The following DGKB variants were observed in gnomAD, a reference collection of about 807,000 sequenced individuals.
The protein encoded by DGKB is 90 kDa diacylglycerol kinase.
Under a neutral mutation model 114.3 loss-of-function variants are expected in DGKB, and 67 were observed. The observed-to-expected ratio is 0.59, with a 90% CI of 0.48 to 0.72. The LOEUF is 0.72. Among genes scored for constraint, DGKB ranks in the 30% least tolerant of loss-of-function variants. The pLI, the probability that DGKB is intolerant of heterozygous loss-of-function variation, is 0.00. For missense variants in DGKB, 907 were observed against 975.2 expected, an observed-to-expected ratio of 0.93 and a Z score of 0.93; for synonymous variants, 398 against 323.1, an observed-to-expected ratio of 1.23 and a Z score of -2.49.
At chr7:14,262,044 A>G (rs1796855412) in intron 23 of DGKB, among the ~76,000 whole-genome samples, 1 of 152,220 alleles carries the variant, frequency 6.6e-6, no homozygotes, top group Admixed American at 6.5e-5. Context: ...ATAATCAAGA[A>G]GATGTATTTA....
intron 20 of DGKB, among the ~76,000 whole-genome samples, chr7:14,483,328 C>G (rs1783276266): frequency 6.6e-6 from 1 of 152,134 alleles, no homozygotes; most frequent in Non-Finnish European, 1.5e-5. Flanking sequence ...TTGTTTTCTA[C>G]TTTAACATGT....
At chr7:14,448,374 A>C (rs1831017239) in intron 21 of DGKB, among the ~76,000 whole-genome samples, 1 of 152,082 alleles carries the variant, frequency 6.6e-6, no homozygotes, top group Non-Finnish European at 1.5e-5. Flanking sequence ...GATAATCAGC[A>C]TCCTAGTTTG....
chr7:14,971,619 A>AG (rs1222651254), intron 1 of DGKB, among the ~76,000 whole-genome samples: 1 of 152,208 alleles, frequency 6.6e-6, no homozygotes, highest in African/African-American at 2.4e-5. Flanking sequence ...AGAATGAAAA[A>AG]AGAAATAATA....
At chr7:14,519,297 T>C (rs1789354192) in intron 20 of DGKB, among the ~76,000 whole-genome samples, 1 of 152,090 alleles carries the variant, frequency 6.6e-6, no homozygotes. Flanking sequence ...TAAATTTTTT[T>C]CTGTATAAAT....
chr7:14,220,069 C>T (rs946932908), intron 23 of DGKB, among the ~76,000 whole-genome samples: 1 of 151,558 alleles, frequency 6.6e-6, no homozygotes, highest in African/African-American at 2.4e-5. Flanking sequence ...GTCTACTACA[C>T]GTCTAGGCTA....
In DGKB at chr7:14,170,189, G is replaced by GAAAT. The variant is rs1186231263; in HGVS notation, c.2304+6649_2304+6650insATTT. ...AGAAAGAAAGAAAGAAAGAAAGAAA[G>GAAAT]AAAGAAAGAAAGAAATACATTAAGC... On this transcript the variant is annotated intron_variant, in intron 25 of 25. Coordinates refer to ENST00000402815, the MANE Select transcript of DGKB (RefSeq NM_001350709.2). Among the ~76,000 whole-genome samples the GAAAT allele has an allele frequency of 3.6e-5, 5 of 138,774 alleles. 1 individual carries two copies. Among genetic ancestry groups the GAAAT allele is most frequent in the Non-Finnish European group, 7.8e-5 (5 of 64,486 alleles). The allele number at this position is 138,774 out of a possible 152,430, so 91.0% of individuals were successfully genotyped here. A position where few individuals can be genotyped will look rare whatever the true frequency, so the allele number is the denominator to read the frequency against.
intron 1 of DGKB, among the ~76,000 whole-genome samples, chr7:14,944,235 G>T (rs536486580): frequency 6.6e-6 from 1 of 151,914 alleles, no homozygotes; most frequent in South Asian, 2.1e-4. Context: ...GCTCACTTTT[G>T]ATCATAAAAT....
intron 20 of DGKB, among the ~76,000 whole-genome samples, chr7:14,522,578 C>T (rs760512532): frequency 2.0e-5 from 3 of 152,158 alleles, no homozygotes; most frequent in Non-Finnish European, 4.4e-5. Flanking sequence ...CCTGCCCTGT[C>T]CTGGTTGAAC....
intron 25 of DGKB, among the ~76,000 whole-genome samples, chr7:14,171,905 T>C (rs1054184951): frequency 6.6e-6 from 1 of 152,218 alleles, no homozygotes; most frequent in Non-Finnish European, 1.5e-5. Flanking sequence ...CAAATCATGG[T>C]CCATGACCTC....
At chr7:14,330,695 T>C (rs954450571) in intron 23 of DGKB, among the ~76,000 whole-genome samples, 1 of 152,006 alleles carries the variant, frequency 6.6e-6, no homozygotes, top group Admixed American at 6.6e-5. Flanking sequence ...AGAAGACATA[T>C]GAGAATATTC....
At chr7:14,830,746 C>T (rs915175693) in intron 2 of DGKB, among the ~76,000 whole-genome samples, 22 of 152,220 alleles carry the variant, frequency 1.4e-4, no homozygotes, top group African/African-American at 5.3e-4. Context: ...GTTTCATTCA[C>T]TTGCAAGAGT....
At chr7:14,729,248 G>A (rs542788728) in intron 5 of DGKB, among the ~76,000 whole-genome samples, 14 of 146,516 alleles carry the variant, frequency 9.6e-5, no homozygotes, top group East Asian at 6.1e-4. Flanking sequence ...TCAGCCTCCC[G>A]AGTAGCTGGG....
At chr7:14,642,622 A>T (rs551561687) in intron 13 of DGKB, among the ~76,000 whole-genome samples, 1 of 152,314 alleles carries the variant, frequency 6.6e-6, no homozygotes, top group East Asian at 1.9e-4. Context: ...AATCAAGCCT[A>T]TAATATTTAT....
chr7:14,566,096 T>A (rs182073233), intron 20 of DGKB, among the ~76,000 whole-genome samples: 35 of 151,736 alleles, frequency 2.3e-4, no homozygotes, highest in Admixed American at 1.6e-3. Context: ...TCACATATAA[T>A]TGGAAAGTAT....
At chr7:14,258,353 A>ATAAC (rs1361295083) in intron 23 of DGKB, among the ~76,000 whole-genome samples, 2 of 152,232 alleles carry the variant, frequency 1.3e-5, no homozygotes, top group Non-Finnish European at 2.9e-5. Context: ...TTTGTACATT[A>ATAAC]TAACTTTTTA....
intron 2 of DGKB, among the ~76,000 whole-genome samples, chr7:14,832,946 G>T (rs1278325031): frequency 6.6e-6 from 1 of 151,882 alleles, no homozygotes; most frequent in Admixed American, 6.6e-5. Context: ...TGAACTTAAG[G>T]TTCAATATGT....
intron 1 of DGKB, among the ~76,000 whole-genome samples, chr7:14,856,955 C>A (rs12540439): frequency 0.34 from 51,244 of 151,982 alleles, 10,331 homozygotes; most frequent in Non-Finnish European, 0.45. Context: ...CAGCTCCCCT[C>A]CCCTTGCATG....
rs148284476 is a variant in DGKB at position 14,924,554 on chromosome 7, G to A, written c.-188+50142C>T. Among the ~76,000 whole-genome samples, 649 of 151,878 alleles carry A rather than the reference G, an allele frequency of 4.3e-3. 4 individuals carry two copies. The highest frequency in any genetic ancestry group is 0.014 in the African/African-American group (593 of 41,412). Reference sequence around the variant, plus strand: ...CCTGAAACTCATATTTTTCCTCTCCGAGCTGCATTCTTGATGACTTGGTCA... The same window carrying A: ...CCTGAAACTCATATTTTTCCTCTCCAAGCTGCATTCTTGATGACTTGGTCA... On this transcript the variant is annotated intron_variant, in intron 1 of 4. Transcript: ENST00000437998.
upstream of DGKB, among the ~76,000 whole-genome samples, chr7:14,905,768 C>T (rs1783673253): frequency 6.6e-6 from 1 of 152,166 alleles, no homozygotes; most frequent in African/African-American, 2.4e-5. Context: ...ATTCATGCGT[C>T]TCTAGCATCT....
Sources: gnomAD v4.1 joint callset for allele counts (sites outside exome capture counted in the v4.1 genomes callset) on GRCh38, gnomAD v4.1.1 for gene constraint, MANE v1.5 for transcripts, NCBI Gene and HGNC (gene_info 2026-07-23, HGNC 2026-07-21) for gene names.